PDZD2: variants seen among roughly 807,000 people sequenced by gnomAD.
The protein encoded by PDZD2 is PDZ domain containing 2.
A neutral mutation model predicts 220.7 loss-of-function variants in PDZD2; 90 were observed. The observed-to-expected ratio is 0.41, with a 90% confidence interval of 0.34 to 0.49. PDZD2 has a LOEUF of 0.49. Among genes scored for constraint, PDZD2 ranks in the 20% least tolerant of loss-of-function variants. PDZD2 has a pLI of 0.28. For synonymous variants in PDZD2, 1,375 were observed against 1,450.5 expected, an observed-to-expected ratio of 0.95 and a Z score of 1.18; for missense variants, 3,174 against 3,608.5, an observed-to-expected ratio of 0.88 and a Z score of 3.08.
intron 2 of PDZD2, among the ~76,000 whole-genome samples, chr5:31,801,006 G>C (rs1287118049): frequency 1.3e-5 from 2 of 152,190 alleles, no homozygotes; most frequent in African/African-American, 2.4e-5. Flanking sequence ...AACCAGCCAG[G>C]GGCAGGGGAG....
At position 32,089,149 on chromosome 5, in the gene PDZD2, C is replaced by T. The variant is rs750047029; in HGVS notation, c.5701C>T (p.Pro1901Ser). ...CAAGGCCAAAGTCAACTCTGAGGCC[C>T]CTGCTGCGAATGCTGTGAAGGCTGG... Reference protein sequence around the residue: ...KGKAKVNSEAPAANAVKAGGT... With the variant: ...KGKAKVNSEASAANAVKAGGT... Residue 1901 changes from proline to serine, a missense_variant, in exon 20 of 25, where the codon CCT becomes TCT. Transcript: ENST00000438447. 1.9e-6 allele frequency: 3 copies of T among 1,613,946 alleles called. No homozygotes were observed. The African/African-American group carries it at 4.0e-5, about 22-fold the overall frequency.
intron 6 of PDZD2, among the ~76,000 whole-genome samples, chr5:32,011,759 C>T (rs549714693): frequency 3.3e-4 from 50 of 152,104 alleles, no homozygotes; most frequent in Non-Finnish European, 5.9e-4. Flanking sequence ...TCATTTACCA[C>T]AGTAAGCTAT....
At chr5:31,689,832 G>A (rs1416541266) in intron 1 of PDZD2, among the ~76,000 whole-genome samples, 2 of 152,116 alleles carry the variant, frequency 1.3e-5, no homozygotes, top group Non-Finnish European at 2.9e-5. Flanking sequence ...CAAAAAGAAG[G>A]CAAAAGTACT....
intron 2 of PDZD2, among the ~76,000 whole-genome samples, chr5:31,853,114 T>G (rs995706606): frequency 6.6e-6 from 1 of 152,198 alleles, no homozygotes; most frequent in Non-Finnish European, 1.5e-5. Flanking sequence ...TACCACTTCC[T>G]GGCAGAAGAG....
At chr5:31,944,475 G>T (rs918481192) in intron 2 of PDZD2, among the ~76,000 whole-genome samples, 4 of 152,190 alleles carry the variant, frequency 2.6e-5, no homozygotes, top group African/African-American at 9.6e-5. Context: ...ATTCAGATAA[G>T]AACCTCTGTT....
intron 2 of PDZD2, among the ~76,000 whole-genome samples, chr5:31,893,813 T>C (rs879801391): frequency 1.3e-5 from 2 of 152,162 alleles, no homozygotes; most frequent in Non-Finnish European, 2.9e-5. Flanking sequence ...TTAGAAAAAA[T>C]TGGCTTAGAC....
intron 1 of PDZD2, among the ~76,000 whole-genome samples, chr5:31,648,240 T>A (rs536989631): frequency 2.8e-4 from 42 of 152,282 alleles, no homozygotes; most frequent in African/African-American, 8.9e-4. Flanking sequence ...AGCCTTGATT[T>A]CTCTGCTGTG....
intron 2 of PDZD2, among the ~76,000 whole-genome samples, chr5:31,978,992 A>G (rs995360934): frequency 4.6e-5 from 7 of 152,146 alleles, no homozygotes; most frequent in African/African-American, 1.7e-4. Flanking sequence ...CTGCAGAAGA[A>G]GTAAAATACT....
At chr5:31,860,082 T>C (rs138999538) in intron 2 of PDZD2, among the ~76,000 whole-genome samples, 29 of 152,012 alleles carry the variant, frequency 1.9e-4, no homozygotes, top group African/African-American at 5.5e-4. Context: ...CTGAGGGGAG[T>C]TGGTTGGCTG....
intron 1 of PDZD2, among the ~76,000 whole-genome samples, chr5:31,708,200 T>A (rs1747915334): frequency 6.6e-6 from 1 of 152,210 alleles, no homozygotes; most frequent in Non-Finnish European, 1.5e-5. Context: ...TGGCCCTTTC[T>A]GGCCCTTCCC....
At position 32,069,622 on chromosome 5, in the gene PDZD2, CAA is replaced by C. The variant is rs767885299; in HGVS notation, c.2507_2508del (p.Lys836ArgfsTer26). ...TAGCACGCAGCACTTATCAGGAGAG[CAA>C]AGAGGCCAATTCCTCTCCTGGCTTA... is the stretch of plus-strand genomic sequence containing the variant. ...VIARSTYQES[K>X]EANSSPGLGT... On this transcript the variant is annotated frameshift_variant, in exon 15 of 25. Coordinates refer to ENST00000438447, the MANE Select transcript of PDZD2 (RefSeq NM_178140.4). LOFTEE classifies it high-confidence loss of function. 1 of 1,576,714 alleles carries C rather than the reference CAA, an allele frequency of 6.3e-7. No homozygotes were observed. Among genetic ancestry groups the C allele is most frequent in the Non-Finnish European group, 8.7e-7 (1 of 1,145,822 alleles).
chr5:31,644,795 T>A (rs1427627281), intron 1 of PDZD2, among the ~76,000 whole-genome samples: 1 of 152,202 alleles, frequency 6.6e-6, no homozygotes, highest in Non-Finnish European at 1.5e-5. Context: ...TTCTCAACTC[T>A]CTTTATGAAG....
At chr5:31,864,523 C>CTT (rs962086402) in intron 2 of PDZD2, among the ~76,000 whole-genome samples, 3 of 146,472 alleles carry the variant, frequency 2.0e-5, no homozygotes, top group Non-Finnish European at 3.0e-5. Flanking sequence ...GAATTGCATC[C>CTT]TTTTTTTTTT....
intron 2 of PDZD2, among the ~76,000 whole-genome samples, chr5:31,928,354 C>T (rs577058894): frequency 6.6e-6 from 1 of 152,264 alleles, no homozygotes; most frequent in South Asian, 2.1e-4. Flanking sequence ...ACTTCTCAAA[C>T]CCATTTGACC....
intron 1 of PDZD2, among the ~76,000 whole-genome samples, chr5:31,676,040 A>G (rs868674012): frequency 2.6e-5 from 4 of 152,168 alleles, no homozygotes; most frequent in Admixed American, 6.5e-5. Flanking sequence ...ATAAAAACTT[A>G]GTTGAGCGCT....
rs1261752746 is a variant in PDZD2 at position 31,651,638 on chromosome 5, A to ATTTTT, written c.-361+12204_-361+12205insTTTTT. 9.9e-3 allele frequency among the ~76,000 whole-genome samples: 1,495 copies of ATTTTT among 151,318 alleles called. 27 individuals are homozygous for ATTTTT. The highest frequency in any genetic ancestry group is 0.034 in the African/African-American group (1,407 of 41,024). On this transcript the variant is annotated intron_variant, in intron 1 of 24. Transcript: ENST00000438447. ...TTGGACTTGCTTTATTTATTTATTT[A>ATTTTT]TTTATTTTTTTGAGATAAGATCTCC...
In PDZD2 at chr5:32,010,410, C is replaced by G. The variant is rs750789577; in HGVS notation, c.1335C>G (p.Ser445=). 10 of 1,611,958 alleles carry G rather than the reference C, an allele frequency of 6.2e-6. No homozygotes were observed. Among genetic ancestry groups the G allele is most frequent in the Non-Finnish European group, 8.5e-6 (10 of 1,178,170 alleles). The change falls in exon 6 of 25, where the codon TCC becomes TCG. Residue 445 remains serine, a synonymous_variant. Transcript: ENST00000438447. ...CCAGCTCGGTAGAAGATGTGTCCTC[C>G]TGGACTGATAACGAAGACCAGGAGG... is the stretch of plus-strand genomic sequence containing the variant. ...DLTSSVEDVS[S]WTDNEDQEAD...
At chr5:32,075,735 C>T (rs2112411952) in intron 18 of PDZD2, among the ~76,000 whole-genome samples, 1 of 152,196 alleles carries the variant, frequency 6.6e-6, no homozygotes, top group African/African-American at 2.4e-5. Context: ...TCTCGCTGAA[C>T]AAAGAATCTG....
intron 2 of PDZD2, among the ~76,000 whole-genome samples, chr5:31,868,129 C>G (rs1738397431): frequency 6.6e-6 from 1 of 152,148 alleles, no homozygotes; most frequent in South Asian, 2.1e-4. Context: ...CACAAACCAT[C>G]TCAGTGAAGG....
Sources: allele counts gnomAD v4.1 joint callset (sites outside exome capture counted in the v4.1 genomes callset), GRCh38; gene constraint gnomAD v4.1.1; transcripts MANE v1.5; gene names NCBI Gene and HGNC (gene_info 2026-07-23, HGNC 2026-07-21).